TRMT10A: variants seen among roughly 807,000 people sequenced by gnomAD.
The protein encoded by TRMT10A is tRNA methyltransferase 10A.
Under a neutral mutation model 40.4 loss-of-function variants are expected in TRMT10A, and 37 were observed. That is an observed-to-expected ratio of 0.92 (90% CI 0.71 to 1.21). The LOEUF (loss-of-function observed/expected upper bound fraction) is 1.21, where lower values mean the gene tolerates loss of function less well. TRMT10A is among the 50% of genes most tolerant of loss of function. The probability of loss-of-function intolerance (pLI) is 0.00; values close to 1 mark genes in which losing one functional copy is unlikely to be tolerated. For missense variants in TRMT10A, 388 were observed against 404.3 expected, an observed-to-expected ratio of 0.96 and a Z score of 0.35; for synonymous variants, 103 against 134.1, an observed-to-expected ratio of 0.77 and a Z score of 1.60.
chr4:99,563,965 G>C lies in TRMT10A; in HGVS notation c.-76C>G. The C allele has an allele frequency of 8.9e-6, 10 of 1,120,252 alleles. No homozygotes were observed. Among genetic ancestry groups the C allele is most frequent in the Non-Finnish European group, 1.3e-5 (10 of 769,086 alleles). The allele number at this position is 1,120,252 out of a possible 1,614,324, so 69.4% of individuals were successfully genotyped here. ...AATCTCAGAAAGAAAGCCTTTCTGG[G>C]TTGGCCTGGTTACGGCTCACGCTTC... On this transcript the variant is annotated 5_prime_UTR_variant, in exon 1 of 8. Transcript: ENST00000394876.
intron 5 of TRMT10A, among the ~76,000 whole-genome samples, chr4:99,554,383 G>T (rs1724078159): frequency 1.3e-5 from 2 of 152,132 alleles, no homozygotes; most frequent in African/African-American, 4.8e-5. Context: ...TATGACCAAA[G>T]AATGCCTTCT....
intron 7 of TRMT10A, among the ~76,000 whole-genome samples, chr4:99,549,840 A>G (rs190912870): frequency 4.0e-4 from 61 of 152,324 alleles, no homozygotes; most frequent in African/African-American, 1.4e-3. Context: ...TCACATCAGC[A>G]TACTGCTGAA....
Position 99,549,147 on chromosome 4 carries a change from C to A in TRMT10A, c.961G>T (p.Glu321Ter). 1.9e-6 allele frequency: 3 copies of A among 1,614,058 alleles called. No individual in the cohort carries two copies. The highest frequency in any genetic ancestry group is 2.5e-6 in the Non-Finnish European group (3 of 1,179,968). ...YSRNELDSPH[E>*]EKQDKENHTE... ...TGATTTTCCTTATCCTGCTTTTCTT[C>A]ATGTGGTGAATCTAGTTCATTTCTG... The change falls in exon 8 of 8, where the codon GAA (glutamate) becomes TAA (stop). Residue 321 changes from glutamate (E) to a stop codon, truncating the protein, a stop_gained. Transcript: ENST00000394876. LOFTEE classifies it low-confidence loss of function (END_TRUNC).
intron 4 of TRMT10A, among the ~76,000 whole-genome samples, chr4:99,556,761 T>C (rs1724177976): frequency 6.6e-6 from 1 of 152,142 alleles, no homozygotes; most frequent in Admixed American, 6.5e-5. Flanking sequence ...AACCAAAATA[T>C]ATTAATAGTT....
At chr4:99,555,554 T>G (rs1473074846) in intron 5 of TRMT10A, among the ~76,000 whole-genome samples, 8 of 152,208 alleles carry the variant, frequency 5.3e-5, no homozygotes, top group Non-Finnish European at 1.2e-4. Flanking sequence ...GAAATTAATT[T>G]TAACAATTTA....
intron 4 of TRMT10A, 124 bp from the exon 5 acceptor site, chr4:99,556,344 T>A: frequency 1.1e-6 from 1 of 916,472 alleles, no homozygotes; most frequent in Non-Finnish European, 1.6e-6. Context: ...CTCATTCATC[T>A]AGAAAAAAAA....
chr4:99,556,244 G>C, intron 4 of TRMT10A, 24 bp from the exon 5 acceptor site: 3 of 1,595,040 alleles, frequency 1.9e-6, no homozygotes, highest in South Asian at 1.1e-5. Context: ...TGTAAGTATA[G>C]AAAAAGAGAA....
intron 3 of TRMT10A, chr4:99,557,811 GTGTT>G (rs1724224455): frequency 8.7e-6 from 4 of 458,482 alleles, no homozygotes; most frequent in East Asian, 3.9e-5. Flanking sequence ...TACAAAGTGT[GTGTT>G]TGTCTCTCTT....
At chr4:99,561,198 A>G (rs940605460) in intron 1 of TRMT10A, among the ~76,000 whole-genome samples, 6 of 152,046 alleles carry the variant, frequency 3.9e-5, no homozygotes, top group Non-Finnish European at 7.4e-5. Flanking sequence ...AACTCCTGAC[A>G]TCGTGATCCG....
chr4:99,548,876 T>C lies in TRMT10A; in HGVS notation c.*212A>G. ...AAAAACAAAAACAAAAAAAATCACA[T>C]ACACATTTAAATCTTCTTACGCAAA... On this transcript the variant is annotated 3_prime_UTR_variant, in exon 8 of 8. Coordinates refer to ENST00000394876, the MANE Select transcript of TRMT10A (RefSeq NM_001134665.3). 2.3e-6 allele frequency: 1 copy of C among 434,236 alleles called. No homozygotes were observed. Among genetic ancestry groups the C allele is most frequent in the Non-Finnish European group, 3.9e-6 (1 of 255,152 alleles). 26.9% of individuals were successfully genotyped at this position (434,236 alleles called of 1,614,324 possible).
chr4:99,561,068 G>A (rs563948758), intron 1 of TRMT10A, among the ~76,000 whole-genome samples: 1 of 152,020 alleles, frequency 6.6e-6, no homozygotes, highest in South Asian at 2.1e-4. Context: ...CCAGGTTCAG[G>A]CGATTCTACT....
In TRMT10A at chr4:99,556,126, A is replaced by C. The variant is rs1371523626; in HGVS notation, c.495+20T>G. The C allele has an allele frequency of 6.2e-7, 1 of 1,607,122 alleles. No individual in the cohort carries two copies. The highest frequency in any genetic ancestry group is 8.5e-7 in the Non-Finnish European group (1 of 1,174,960). On this transcript the variant is annotated intron_variant, in intron 5 of 7. Transcript: ENST00000394876. ...ATAAAAATACTTGGAATTATGTGAGAGTTTATCTGTTTTAATTACCTTCCA... is the reference window on the plus strand; with the variant it reads ...ATAAAAATACTTGGAATTATGTGAGCGTTTATCTGTTTTAATTACCTTCCA...
Position 99,547,656 on chromosome 4 carries a change from C to CT in TRMT10A, c.*1431dup, listed in dbSNP as rs1723788510. ...GCTTGTCTTTACTTACATATCTTGC[C>CT]TACAGACCTTACCTTAAAATAGGTA... On this transcript the variant is annotated 3_prime_UTR_variant, in exon 8 of 8. Coordinates refer to ENST00000394876, the MANE Select transcript of TRMT10A (RefSeq NM_001134665.3). The CT allele has an allele frequency of 6.6e-6, 1 of 151,898 alleles. No homozygotes were observed. The highest frequency in any genetic ancestry group is 1.5e-5 in the Non-Finnish European group (1 of 67,956). The allele number at this position is 151,898 out of a possible 1,614,324, so 9.4% of individuals were successfully genotyped here.
At chr4:99,559,559 G>C (rs893243461) in intron 1 of TRMT10A, among the ~76,000 whole-genome samples, 198 bp from the exon 2 acceptor site, 1 of 152,174 alleles carries the variant, frequency 6.6e-6, no homozygotes, top group African/African-American at 2.4e-5. Flanking sequence ...AAGAAATGGG[G>C]TGTTTCATAT....
intron 6 of TRMT10A, among the ~76,000 whole-genome samples, chr4:99,552,926 G>C (rs1157862282): frequency 6.6e-6 from 1 of 151,726 alleles, no homozygotes; most frequent in Non-Finnish European, 1.5e-5. Context: ...GATTGAAGCA[G>C]GTGCTTTTGA....
At chr4:99,561,944 C>T (rs549621356) in intron 1 of TRMT10A, among the ~76,000 whole-genome samples, 149 of 152,166 alleles carry the variant, frequency 9.8e-4, no homozygotes, top group African/African-American at 2.9e-3. Context: ...CTTTGGGAGG[C>T]TGAGGTGGGC....
chr4:99,551,103 G>T, intron 6 of TRMT10A, 113 bp from the exon 7 acceptor site: 2 of 715,408 alleles, frequency 2.8e-6, no homozygotes, highest in Non-Finnish European at 4.4e-6. Context: ...ATAGTTCAGA[G>T]AATATTATCT....
At chr4:99,550,315 G>C (rs1368106284) in intron 7 of TRMT10A, among the ~76,000 whole-genome samples, 1 of 152,084 alleles carries the variant, frequency 6.6e-6, no homozygotes, top group Non-Finnish European at 1.5e-5. Context: ...TCACCCTCCT[G>C]AATAGCTAGG....
At chr4:99,558,281 A>T in intron 2 of TRMT10A, 70 bp from the exon 3 acceptor site, 1 of 1,274,944 alleles carries the variant, frequency 7.8e-7, no homozygotes, top group Non-Finnish European at 1.1e-6. Flanking sequence ...TTCTAAATAA[A>T]CAATTCCTTT....
Sources: allele counts gnomAD v4.1 joint callset (sites outside exome capture counted in the v4.1 genomes callset), GRCh38; gene constraint gnomAD v4.1.1; transcripts MANE v1.5; gene names NCBI Gene and HGNC (gene_info 2026-07-23, HGNC 2026-07-21).